Variants in DCAF8 observed in about 807,000 individuals in gnomAD.
DCAF8 encodes DDB1- and CUL4-associated factor 8.
A neutral mutation model predicts 68.0 loss-of-function variants in DCAF8; 20 were observed. That is an observed-to-expected ratio of 0.29 (90% CI 0.21 to 0.43). The LOEUF is 0.43. DCAF8 is among the 20% of genes least tolerant of loss of function. The pLI, the probability that DCAF8 is intolerant of heterozygous loss-of-function variation, is 1.00. For missense variants in DCAF8, 460 were observed against 771.0 expected (o/e 0.60, Z 4.78); for synonymous variants, 230 against 276.9 (o/e 0.83, Z 1.68).
At chr1:160,238,330 G>A (rs996941203) in intron 5 of DCAF8, among the ~76,000 whole-genome samples, 3 of 152,204 alleles carry the variant, frequency 2.0e-5, no homozygotes, top group African/African-American at 7.2e-5. Context: ...AAGGTTTAGA[G>A]GGCACAGGAG....
At chr1:160,222,417 T>G (rs1655330737) in intron 11 of DCAF8, among the ~76,000 whole-genome samples, 1 of 152,206 alleles carries the variant, frequency 6.6e-6, no homozygotes, top group African/African-American at 2.4e-5. Flanking sequence ...GGTTCTTCCC[T>G]AAGATCCCTT....
intron 6 of DCAF8, among the ~76,000 whole-genome samples, chr1:160,236,229 T>A (rs376694435): frequency 1.3e-5 from 2 of 152,006 alleles, no homozygotes; most frequent in South Asian, 4.1e-4. Flanking sequence ...ATTTCAGCCA[T>A]GGTGTTAAAC....
At chr1:160,242,563 A>T (rs1050105614) in intron 3 of DCAF8, among the ~76,000 whole-genome samples, 17 of 152,178 alleles carry the variant, frequency 1.1e-4, no homozygotes, top group Non-Finnish European at 1.0e-4. Flanking sequence ...CCACATTAAC[A>T]TAAGGGCCAG....
Position 160,217,562 on chromosome 1 carries a change from C to A in DCAF8, c.*30G>T, listed in dbSNP as rs1355262109. ...TGCCCAGGCAGGATCAGGTTGGCAG[C>A]CCCAGCCTGCCCCACCTAGGTATGA... On this transcript the variant is annotated 3_prime_UTR_variant, in exon 14 of 14. Transcript: ENST00000368074. 1.9e-6 allele frequency: 3 copies of A among 1,551,370 alleles called. No individual in the cohort carries two copies. In the African/African-American group the frequency reaches 4.1e-5, roughly 21 times the overall value.
chr1:160,244,199 T>G (rs1656230547), intron 2 of DCAF8, among the ~76,000 whole-genome samples, 165 bp from the exon 3 acceptor site: 2 of 152,368 alleles, frequency 1.3e-5, no homozygotes, highest in Admixed American at 1.3e-4. Context: ...TTTTTCTTCC[T>G]TATGTTTTCT....
intron 7 of DCAF8, among the ~76,000 whole-genome samples, chr1:160,226,537 TCCAATCTCAGAG>T (rs1655480040): frequency 6.6e-6 from 1 of 152,200 alleles, no homozygotes; most frequent in Admixed American, 6.5e-5. Context: ...CCCAGTCTCC[TCCAATCTCAGAG>T]CCAATCTCTT....
chr1:160,228,640 A>G (rs572486630), intron 7 of DCAF8, among the ~76,000 whole-genome samples: 8 of 151,830 alleles, frequency 5.3e-5, no homozygotes, highest in Admixed American at 4.6e-4. Flanking sequence ...CAGGCCAAAA[A>G]GCATGTCTCC....
intron 2 of DCAF8, among the ~76,000 whole-genome samples, chr1:160,249,722 T>C (rs1042746234): frequency 6.6e-6 from 1 of 152,168 alleles, no homozygotes; most frequent in Non-Finnish European, 1.5e-5. Flanking sequence ...TTACTTAAAT[T>C]CATCAAAAAA....
chr1:160,255,010 T>C (rs1293476340), intron 2 of DCAF8, among the ~76,000 whole-genome samples: 1 of 152,204 alleles, frequency 6.6e-6, no homozygotes, highest in Non-Finnish European at 1.5e-5. Context: ...TAGCCATTTA[T>C]ATTATTTTTC....
At chr1:160,227,942 T>C (rs1655533200) in intron 7 of DCAF8, among the ~76,000 whole-genome samples, 1 of 152,120 alleles carries the variant, frequency 6.6e-6, no homozygotes. Flanking sequence ...TCATCCAGGA[T>C]GGAGTGCAGT....
chr1:160,250,067 G>GCGCA, intron 2 of DCAF8, among the ~76,000 whole-genome samples: 1 of 152,270 alleles, frequency 6.6e-6, no homozygotes, highest in Non-Finnish European at 1.5e-5. Context: ...AATCACAGTG[G>GCGCA]TGTTACATAA....
At chr1:160,226,994 T>C (rs1490015704) in intron 7 of DCAF8, among the ~76,000 whole-genome samples, 1 of 152,180 alleles carries the variant, frequency 6.6e-6, no homozygotes. Flanking sequence ...CAGAGAAGAT[T>C]TTCCCTTCGC....
intron 6 of DCAF8, among the ~76,000 whole-genome samples, chr1:160,235,183 G>A (rs761179996): frequency 6.6e-5 from 10 of 151,920 alleles, no homozygotes; most frequent in Non-Finnish European, 1.5e-4. Context: ...ACCCAGGCTG[G>A]AGTACAGTGG....
At chr1:160,228,710 C>T (rs924629076) in intron 7 of DCAF8, among the ~76,000 whole-genome samples, 1 of 151,490 alleles carries the variant, frequency 6.6e-6, no homozygotes, top group Admixed American at 6.6e-5. Context: ...ATTAATGATG[C>T]AAAAGCCTTG....
intron 7 of DCAF8, among the ~76,000 whole-genome samples, chr1:160,230,764 T>A (rs1274629655): frequency 6.6e-6 from 1 of 151,622 alleles, no homozygotes; most frequent in Non-Finnish European, 1.5e-5. Flanking sequence ...TTTTCTTTTC[T>A]TTTTTGAGAC....
At chr1:160,255,220 G>A (rs552018756) in intron 2 of DCAF8, among the ~76,000 whole-genome samples, 25 of 152,316 alleles carry the variant, frequency 1.6e-4, no homozygotes, top group Non-Finnish European at 3.4e-4. Context: ...TCTACGAACT[G>A]CAGTAAGACA....
intron 7 of DCAF8, among the ~76,000 whole-genome samples, chr1:160,230,886 G>A (rs770746802): frequency 3.9e-5 from 6 of 152,018 alleles, no homozygotes; most frequent in Non-Finnish European, 8.8e-5. Context: ...TGAGCAGCTG[G>A]GACTACACGC....
chr1:160,246,473 T>C (rs1656343562), intron 2 of DCAF8, among the ~76,000 whole-genome samples: 1 of 152,204 alleles, frequency 6.6e-6, no homozygotes. Flanking sequence ...AAACTTTGAT[T>C]ATGAACCTAT....
intron 2 of DCAF8, among the ~76,000 whole-genome samples, chr1:160,259,285 A>C (rs768676460): frequency 3.3e-5 from 5 of 152,212 alleles, no homozygotes; most frequent in Non-Finnish European, 7.4e-5. Context: ...CTGTAATCCT[A>C]GCACTTTGGG....
Sources: gnomAD v4.1 joint callset for allele counts (sites outside exome capture counted in the v4.1 genomes callset) on GRCh38, gnomAD v4.1.1 for gene constraint, MANE v1.5 for transcripts, NCBI Gene and HGNC (gene_info 2026-07-23, HGNC 2026-07-21) for gene names.